PREX1: variants seen among roughly 807,000 people sequenced by gnomAD.
PREX1 encodes phosphatidylinositol 3,4,5-trisphosphate-dependent Rac exchanger 1 protein.
Under a neutral mutation model 198.3 loss-of-function variants are expected in PREX1, and 41 were observed. The observed-to-expected ratio is 0.21, with a 90% CI of 0.16 to 0.27. The LOEUF (loss-of-function observed/expected upper bound fraction) is 0.27, where lower values mean the gene tolerates loss of function less well. Ranked by LOEUF, PREX1 falls within the 10% of genes least tolerant of loss-of-function variation. PREX1 has a pLI of 1.00. For missense variants in PREX1, 1,620 were observed against 2,200.7 expected, an observed-to-expected ratio of 0.74 and a Z score of 5.28; for synonymous variants, 843 against 887.2, an observed-to-expected ratio of 0.95 and a Z score of 0.89.
In PREX1 at chr20:48,658,176, G is replaced by A; in HGVS notation, c.1934C>T (p.Ala645Val). Residue 645 changes from alanine to valine, a missense_variant, in exon 17 of 40, where the codon GCT (alanine) becomes GTT (valine). Physicochemically the swap from Ala to Val is moderately conservative, Grantham distance 64. This residue lies in a region of PREX1 where 488 missense variants were observed against 802.5 expected (regional missense o/e 0.61). Coordinates refer to ENST00000371941, the MANE Select transcript of PREX1 (RefSeq NM_020820.4). ...CCTCTGGACGGACTTCACCACCACA[G>A]CCTTGTTCTTCTCCTCGATGTCAAA... ...YGFDIEEKNKAVVVKSVQRGS... is the reference protein window; with the variant it reads ...YGFDIEEKNKVVVVKSVQRGS... 7 of 1,614,210 alleles carry A rather than the reference G, an allele frequency of 4.3e-6. No individual in the cohort carries two copies. In the East Asian group the frequency reaches 1.6e-4, roughly 36 times the overall value.
chr20:48,762,983 G>GT (rs1362006639), intron 1 of PREX1, among the ~76,000 whole-genome samples: 1 of 152,198 alleles, frequency 6.6e-6, no homozygotes, highest in Non-Finnish European at 1.5e-5. Context: ...GATTACAGGC[G>GT]TAAGCCATCA....
At chr20:48,635,041 A>C (rs1217569528) in intron 32 of PREX1, among the ~76,000 whole-genome samples, 1 of 152,224 alleles carries the variant, frequency 6.6e-6, no homozygotes, top group Non-Finnish European at 1.5e-5. Flanking sequence ...CTGGATCACC[A>C]ACCAGGCTTC....
chr20:48,752,349 G>C (rs1202332240), intron 1 of PREX1, among the ~76,000 whole-genome samples: 2 of 152,170 alleles, frequency 1.3e-5, no homozygotes, highest in African/African-American at 2.4e-5. Context: ...CATGCTTTCA[G>C]CAACTTGATT....
intron 4 of PREX1, among the ~76,000 whole-genome samples, 197 bp from the exon 5 acceptor site, chr20:48,726,588 T>C (rs777127769): frequency 6.6e-6 from 1 of 152,226 alleles, no homozygotes; most frequent in Non-Finnish European, 1.5e-5. Flanking sequence ...ACTCCCCATT[T>C]TGGTAAGTTT....
upstream of PREX1, among the ~76,000 whole-genome samples, chr20:48,829,010 C>G (rs1430175658): frequency 6.6e-6 from 1 of 152,238 alleles, no homozygotes; most frequent in Non-Finnish European, 1.5e-5. Context: ...GGTTTCCTTG[C>G]TTCAAGATCC....
chr20:48,700,037 C>G (rs4568007), intron 7 of PREX1, among the ~76,000 whole-genome samples: 10,309 of 152,284 alleles, frequency 0.068, 407 homozygotes, highest in South Asian at 0.14. Context: ...CCACACAACC[C>G]GTCACCACAC....
chr20:48,688,853 G>T, intron 9 of PREX1, 49 bp from the exon 10 acceptor site: 1 of 1,601,076 alleles, frequency 6.2e-7, no homozygotes, highest in Non-Finnish European at 8.5e-7. Flanking sequence ...GCCCAGGGCA[G>T]GGGGGGTAGG....
chr20:48,682,966 G>A (rs760485360), intron 10 of PREX1, among the ~76,000 whole-genome samples: 2 of 152,244 alleles, frequency 1.3e-5, no homozygotes, highest in Non-Finnish European at 2.9e-5. Context: ...TGCCTGGTGT[G>A]TAGGTAGCGG....
chr20:48,804,284 G>A (rs774992776), intron 1 of PREX1, among the ~76,000 whole-genome samples: 1 of 152,184 alleles, frequency 6.6e-6, no homozygotes, highest in Non-Finnish European at 1.5e-5. Flanking sequence ...AAATTCTAGC[G>A]AAGGAAGAGC....
chr20:48,745,984 T>A (rs1172381662), intron 2 of PREX1, among the ~76,000 whole-genome samples: 1 of 152,162 alleles, frequency 6.6e-6, no homozygotes, highest in African/African-American at 2.4e-5. Flanking sequence ...CCTCTCTGAG[T>A]CTTTTATGAT....
intron 1 of PREX1, among the ~76,000 whole-genome samples, chr20:48,751,205 C>T (rs150165545): frequency 8.5e-5 from 13 of 152,230 alleles, no homozygotes; most frequent in East Asian, 7.7e-4. Flanking sequence ...CGACAATGAG[C>T]GGAGGGGACA....
chr20:48,628,794 T>C (rs970565996), intron 37 of PREX1, among the ~76,000 whole-genome samples: 1 of 152,178 alleles, frequency 6.6e-6, no homozygotes, highest in Non-Finnish European at 1.5e-5. Context: ...CCGTGAAACA[T>C]TTATTCAGCA....
chr20:48,765,995 G>A (rs773796323), intron 1 of PREX1, among the ~76,000 whole-genome samples: 2 of 152,084 alleles, frequency 1.3e-5, no homozygotes, highest in Non-Finnish European at 2.9e-5. Context: ...CACCCATGCC[G>A]GGGATCTAGG....
intron 1 of PREX1, among the ~76,000 whole-genome samples, chr20:48,760,950 G>T (rs1601119557): frequency 6.6e-6 from 1 of 152,186 alleles, no homozygotes; most frequent in African/African-American, 2.4e-5. Flanking sequence ...CCTTCACAAA[G>T]TAGTGGCAGA....
Position 48,625,682 on chromosome 20 carries a change from G to T in PREX1, c.*203C>A. ...TGGCAGGCGTGTGAAGAATGGGCCG[G>T]CCCAGGGCCAATCAGCCAGCTCGTC... On this transcript the variant is annotated 3_prime_UTR_variant, in exon 40 of 40. Transcript: ENST00000371941. 1.6e-6 allele frequency: 1 copy of T among 621,222 alleles called. No homozygotes were observed. The highest frequency in any genetic ancestry group is 2.7e-6 in the Non-Finnish European group (1 of 373,960). The allele number at this position is 621,222 out of a possible 1,614,324, so 38.5% of individuals were successfully genotyped here. A position where few individuals can be genotyped will look rare whatever the true frequency, so the allele number is the denominator to read the frequency against.
At chr20:48,637,651 C>T (rs1182718287) in intron 31 of PREX1, 60 bp downstream of exon 31, 7 of 1,469,390 alleles carry the variant, frequency 4.8e-6, no homozygotes, top group African/African-American at 1.4e-5. Flanking sequence ...CATGGATGGT[C>T]GGCCTTGGGT....
the PREX1 span, among the ~76,000 whole-genome samples, chr20:48,851,470 G>C: frequency 4.6e-5 from 7 of 152,230 alleles, no homozygotes; most frequent in East Asian, 1.3e-3. Context: ...TCACGCCATT[G>C]CACTCCAGCA....
chr20:48,828,346 G>C (rs554463997), upstream of PREX1, among the ~76,000 whole-genome samples: 1 of 152,002 alleles, frequency 6.6e-6, no homozygotes, highest in Non-Finnish European at 1.5e-5. Context: ...GTCACCGCGG[G>C]CTACGCCACT....
intron 5 of PREX1, among the ~76,000 whole-genome samples, chr20:48,723,888 G>T (rs543641082): frequency 6.6e-6 from 1 of 152,136 alleles, no homozygotes; most frequent in Admixed American, 6.5e-5. Flanking sequence ...AATATGTCAC[G>T]GAAGCTGCAG....
Sources: gnomAD v4.1 joint callset for allele counts (sites outside exome capture counted in the v4.1 genomes callset) on GRCh38, gnomAD v4.1.1 for gene constraint, gnomAD v4.1.1 regional missense constraint, MANE v1.5 for transcripts, NCBI Gene and HGNC (gene_info 2026-07-23, HGNC 2026-07-21) for gene names.